ASXL1: variants seen among roughly 807,000 people sequenced by gnomAD.
The protein encoded by ASXL1 is polycomb group protein ASXL1.
A neutral mutation model predicts 89.1 loss-of-function variants in ASXL1; 65 were observed. The ratio of observed to expected loss-of-function variants is 0.73; its 90% CI spans 0.60 to 0.90. The LOEUF is 0.90. Ranked by LOEUF, ASXL1 falls within the 40% of genes least tolerant of loss-of-function variation. The probability of loss-of-function intolerance (pLI) is 0.00; values close to 1 mark genes in which losing one functional copy is unlikely to be tolerated. For synonymous variants in ASXL1, 739 were observed against 746.9 expected (o/e 0.99, Z 0.17); for missense variants, 1,786 against 1,942.9 (o/e 0.92, Z 1.52).
Position 32,367,742 on chromosome 20 carries a change from C to T in ASXL1, c.143+13C>T. 1 of 780,850 alleles carries T rather than the reference C, an allele frequency of 1.3e-6. No individual in the cohort carries two copies. Among genetic ancestry groups the T allele is most frequent in the South Asian group, 1.3e-5 (1 of 74,610 alleles). The allele number at this position is 780,850 out of a possible 1,614,324, so 48.4% of individuals were successfully genotyped here. Reference sequence around the variant, plus strand: ...TTGCCTATAGAAGGTAAATGAGTCCCTTTGGGACATATGGAATTGAGAACC... The same window carrying T: ...TTGCCTATAGAAGGTAAATGAGTCCTTTTGGGACATATGGAATTGAGAACC... On this transcript the variant is annotated intron_variant, in intron 3 of 12. Coordinates refer to ENST00000375687, the MANE Select transcript of ASXL1 (RefSeq NM_015338.6).
intron 4 of ASXL1, among the ~76,000 whole-genome samples, chr20:32,379,355 AT>A (rs2048446781): frequency 8.4e-6 from 1 of 118,470 alleles, no homozygotes; most frequent in East Asian, 5.1e-4. Context: ...CAACTAATTT[AT>A]TTATTTATTA....
chr20:32,399,747 C>CTTTTTTTTTTT (rs369127811), intron 4 of ASXL1, among the ~76,000 whole-genome samples: 3 of 73,882 alleles, frequency 4.1e-5, no homozygotes, highest in South Asian at 4.6e-4. Flanking sequence ...ATATTTTACT[C>CTTTTTTTTTTT]TTTTTTTTTT....
At position 32,438,008 on chromosome 20, in the gene ASXL1, G is replaced by C. The variant is rs992366484; in HGVS notation, c.*670G>C. ...TAGCTCTGCTTGGACAATGGGGTTGGGGAATAGGGTTGTCTTTCCTATGAA... is the reference window on the plus strand; with the variant it reads ...TAGCTCTGCTTGGACAATGGGGTTGCGGAATAGGGTTGTCTTTCCTATGAA... On this transcript the variant is annotated 3_prime_UTR_variant, in exon 13 of 13. Coordinates refer to ENST00000375687, the MANE Select transcript of ASXL1 (RefSeq NM_015338.6). 14 of 234,242 alleles carry C rather than the reference G, an allele frequency of 6.0e-5. No homozygotes were observed. The highest frequency in any genetic ancestry group is 1.8e-4 in the South Asian group (1 of 5,568). 14.5% of individuals were successfully genotyped at this position (234,242 alleles called of 1,614,324 possible).
At chr20:32,382,604 T>C (rs2048506204) in intron 4 of ASXL1, among the ~76,000 whole-genome samples, 1 of 115,460 alleles carries the variant, frequency 8.7e-6, no homozygotes, top group African/African-American at 3.0e-5. Context: ...AGACCTCGTC[T>C]CTACAAAAAA....
intron 4 of ASXL1, among the ~76,000 whole-genome samples, chr20:32,426,760 G>A (rs896291620): frequency 2.6e-5 from 4 of 151,582 alleles, no homozygotes; most frequent in Non-Finnish European, 5.9e-5. Context: ...GGGTTTCACC[G>A]TGTTGGCCAG....
intron 4 of ASXL1, among the ~76,000 whole-genome samples, chr20:32,382,647 G>C (rs190921903): frequency 1.1e-3 from 171 of 151,420 alleles, no homozygotes; most frequent in Admixed American, 2.1e-3. Context: ...TTAGCCAGGC[G>C]TGGTGGCTCA....
chr20:32,372,961 T>C (rs1207925395), intron 4 of ASXL1, among the ~76,000 whole-genome samples: 1 of 142,684 alleles, frequency 7.0e-6, no homozygotes, highest in Non-Finnish European at 1.5e-5. Context: ...TTTTTTTTGG[T>C]AGAGACAGTC....
In ASXL1 at chr20:32,433,462, A is replaced by T. The variant is rs1210656444; in HGVS notation, c.1264A>T (p.Arg422Trp). ...GCCAGATCTCCGAACCAGAGCCAGA[A>T]GGAATCTGTACAAAAAACAGGAGTC... is the stretch of plus-strand genomic sequence containing the variant. ...SRPDLRTRAR[R>W]NLYKKQESEQ... The change falls in exon 12 of 13, where the codon AGG becomes TGG. Residue 422 changes from arginine (R) to tryptophan (W), a missense_variant. Physicochemically the swap from Arg to Trp is moderately radical, Grantham distance 101. Around this residue, in one of 3 missense-constraint regions of ASXL1, gnomAD observed 1,418 missense variants for 1,427.8 expected, o/e 0.99. Coordinates refer to ENST00000375687, the MANE Select transcript of ASXL1 (RefSeq NM_015338.6). 6.2e-7 allele frequency: 1 copy of T among 1,614,220 alleles called. No homozygotes were observed. Among genetic ancestry groups the T allele is most frequent in the Non-Finnish European group, 8.5e-7 (1 of 1,180,046 alleles).
At chr20:32,359,043 GC>G (rs545230525) in intron 1 of ASXL1, 53 of 598,966 alleles carry the variant, frequency 8.8e-5, no homozygotes, top group African/African-American at 1.3e-4. Context: ...TCGCCCTCGC[GC>G]CCCCCCCGCC....
At chr20:32,426,963 G>A (rs559203596) in intron 4 of ASXL1, 1 of 152,294 alleles carries the variant, frequency 6.6e-6, no homozygotes, top group Admixed American at 6.5e-5. Context: ...AAATTGATGA[G>A]TTAGATTGTT....
chr20:32,430,964 G>T (rs1436800670), intron 8 of ASXL1: 8 of 473,082 alleles, frequency 1.7e-5, no homozygotes, highest in Admixed American at 3.2e-5. Context: ...TTTACTTTTA[G>T]ATAATTCTCA....
At chr20:32,388,661 G>T (rs1324488562) in intron 4 of ASXL1, among the ~76,000 whole-genome samples, 1 of 152,090 alleles carries the variant, frequency 6.6e-6, no homozygotes, top group Non-Finnish European at 1.5e-5. Context: ...AAATTATTGA[G>T]AATTTTTGCA....
At chr20:32,374,865 C>T (rs891621157) in intron 4 of ASXL1, among the ~76,000 whole-genome samples, 1 of 152,110 alleles carries the variant, frequency 6.6e-6, no homozygotes, top group Non-Finnish European at 1.5e-5. Context: ...TATATTTTTA[C>T]TTTACGTTTA....
chr20:32,358,523 G>C lies in ASXL1; in HGVS notation c.-253G>C, dbSNP rs2048049707. 1 of 221,938 alleles carries C rather than the reference G, an allele frequency of 4.5e-6. No homozygotes were observed. The highest frequency in any genetic ancestry group is 9.0e-6 in the Non-Finnish European group (1 of 110,794). The allele number at this position is 221,938 out of a possible 1,614,324, so 13.7% of individuals were successfully genotyped here. ...CGCATTCCTTAGCGATCGCGGGGCA[G>C]CCGCCGCTGCCGCCGTGGGCGACTG... is the stretch of plus-strand genomic sequence containing the variant. On this transcript the variant is annotated 5_prime_UTR_variant, in exon 1 of 13. Transcript: ENST00000375687.
intron 6 of ASXL1, among the ~76,000 whole-genome samples, 182 bp downstream of exon 6, chr20:32,428,604 A>G (rs2011408601): frequency 6.9e-6 from 1 of 144,822 alleles, no homozygotes; most frequent in South Asian, 2.3e-4. Context: ...GTTTGAGCAG[A>G]GTAAGTTTTT....
intron 4 of ASXL1, among the ~76,000 whole-genome samples, chr20:32,401,381 A>C (rs1453038996): frequency 6.6e-6 from 1 of 152,132 alleles, no homozygotes; most frequent in Non-Finnish European, 1.5e-5. Flanking sequence ...CCTGGCAGCT[A>C]CCAGTTGTCT....
chr20:32,429,219 G>T lies in ASXL1; in HGVS notation c.472-119G>T. The T allele has an allele frequency of 2.1e-6, 2 of 974,224 alleles. No individual in the cohort carries two copies. The highest frequency in any genetic ancestry group is 3.2e-6 in the Non-Finnish European group (2 of 622,828). The allele number at this position is 974,224 out of a possible 1,614,324, so 60.3% of individuals were successfully genotyped here. A position where few individuals can be genotyped will look rare whatever the true frequency, so the allele number is the denominator to read the frequency against. On this transcript the variant is annotated intron_variant, in intron 6 of 12. Coordinates refer to ENST00000375687, the MANE Select transcript of ASXL1 (RefSeq NM_015338.6). The surrounding 1 kb of genome is among the most constrained non-coding windows in gnomAD (Gnocchi z 4.9). ...GTGCTCTTGTCAGCATTATTTGACA[G>T]ATCTGGTTGAAGACGAACTTCATTT...
At chr20:32,390,111 TA>T (rs1339713685) in intron 4 of ASXL1, among the ~76,000 whole-genome samples, 1 of 152,220 alleles carries the variant, frequency 6.6e-6, no homozygotes, top group Non-Finnish European at 1.5e-5. Flanking sequence ...TAACCTGCTG[TA>T]AATCCTAACT....
Position 32,434,469 on chromosome 20 carries a change from A to G in ASXL1, c.1757A>G (p.Lys586Arg). 6.2e-7 allele frequency: 1 copy of G among 1,614,110 alleles called. No individual in the cohort carries two copies. Among genetic ancestry groups the G allele is most frequent in the Non-Finnish European group, 8.5e-7 (1 of 1,180,016 alleles). Residue 586 changes from lysine (K) to arginine (R), a missense_variant, in exon 13 of 13, where the codon AAA (lysine) becomes AGA (arginine). Physicochemically the swap from Lys to Arg is conservative, Grantham distance 26. Coordinates refer to ENST00000375687, the MANE Select transcript of ASXL1 (RefSeq NM_015338.6). ...LSRIKPPWVV[K>R]GQPTYQICPR... ...CGTATCAAACCACCCTGGGTGGTTAAAGGTCAGCCCACTTACCAGATATGC... is the reference window on the plus strand; with the variant it reads ...CGTATCAAACCACCCTGGGTGGTTAGAGGTCAGCCCACTTACCAGATATGC...
Sources: gnomAD v4.1 joint callset for allele counts (sites outside exome capture counted in the v4.1 genomes callset) on GRCh38, gnomAD v4.1.1 for gene constraint, gnomAD v4.1.1 regional missense constraint, Gnocchi (gnomAD v3.1) non-coding constraint, MANE v1.5 for transcripts, NCBI Gene and HGNC (gene_info 2026-07-23, HGNC 2026-07-21) for gene names.